Variants in FHIT observed in about 807,000 individuals in gnomAD.
The protein encoded by FHIT is fragile histidine triad diadenosine triphosphatase.
In FHIT, 19 loss-of-function variants were observed where a neutral mutation model predicts 17.9. The observed-to-expected ratio is 1.06, with a 90% CI of 0.74 to 1.56. The LOEUF (loss-of-function observed/expected upper bound fraction) is 1.56. FHIT is among the 40% of genes most tolerant of loss of function. The probability of loss-of-function intolerance (pLI) is 0.00; values close to 1 mark genes in which losing one functional copy is unlikely to be tolerated. For missense variants in FHIT, 248 were observed against 189.2 expected (o/e 1.31, Z -1.82); for synonymous variants, 81 against 69.7 (o/e 1.16, Z -0.81).
At chr3:59,927,550 G>A (rs936283655) in intron 7 of FHIT, among the ~76,000 whole-genome samples, 18 of 150,970 alleles carry the variant, frequency 1.2e-4, no homozygotes, top group Non-Finnish European at 2.7e-4. Context: ...GGCGGATCAC[G>A]AGGTCAGGAG....
chr3:60,052,589 G>C (rs1311739713), intron 5 of FHIT, among the ~76,000 whole-genome samples: 1 of 152,018 alleles, frequency 6.6e-6, no homozygotes, highest in African/African-American at 2.4e-5. Context: ...ACTGGCTAGA[G>C]TGCTCCTGCC....
chr3:60,320,788 A>ATATGTTCCTCC (rs1559817066), intron 5 of FHIT, among the ~76,000 whole-genome samples: 2 of 152,208 alleles, frequency 1.3e-5, no homozygotes, highest in African/African-American at 4.8e-5. Context: ...GGGAGATATA[A>ATATGTTCCTCC]ATTTGAAATG....
intron 3 of FHIT, among the ~76,000 whole-genome samples, chr3:60,975,398 A>T (rs779752033): frequency 6.6e-6 from 1 of 152,212 alleles, no homozygotes; most frequent in Non-Finnish European, 1.5e-5. Context: ...TTCTCCTCTG[A>T]AAATATGCCC....
At chr3:60,128,149 A>G (rs374071413) in intron 5 of FHIT, among the ~76,000 whole-genome samples, 2 of 152,370 alleles carry the variant, frequency 1.3e-5, no homozygotes, top group East Asian at 1.9e-4. Flanking sequence ...TTTTACTTCA[A>G]TAAGTGAATT....
intron 4 of FHIT, among the ~76,000 whole-genome samples, chr3:60,679,240 G>A (rs1045270242): frequency 3.3e-5 from 5 of 152,124 alleles, no homozygotes; most frequent in African/African-American, 1.2e-4. Flanking sequence ...AAAGGGATAA[G>A]AATCCGTCCA....
intron 5 of FHIT, among the ~76,000 whole-genome samples, chr3:60,170,826 G>C (rs1304428353): frequency 6.6e-6 from 1 of 151,996 alleles, no homozygotes; most frequent in Non-Finnish European, 1.5e-5. Flanking sequence ...TAATTTAATA[G>C]ATAAACCTAT....
intron 4 of FHIT, among the ~76,000 whole-genome samples, chr3:60,819,038 C>CTTTTTTTTT (rs1282544271): frequency 9.8e-6 from 1 of 102,184 alleles, no homozygotes; most frequent in African/African-American, 3.2e-5. Flanking sequence ...TTTTTCTTTT[C>CTTTTTTTTT]TTTTTTTTTT....
At chr3:60,445,716 TTC>T (rs2031285590) in intron 5 of FHIT, among the ~76,000 whole-genome samples, 1 of 152,084 alleles carries the variant, frequency 6.6e-6, no homozygotes, top group African/African-American at 2.4e-5. Context: ...ACACACGATT[TTC>T]TTTCTTTGTA....
chr3:60,506,696 C>T (rs897919233), intron 5 of FHIT, among the ~76,000 whole-genome samples: 9 of 152,046 alleles, frequency 5.9e-5, no homozygotes, highest in Non-Finnish European at 1.0e-4. Context: ...AACCTCCTGC[C>T]CTCTACCATA....
At chr3:60,963,386 G>A (rs1553781841) in intron 3 of FHIT, among the ~76,000 whole-genome samples, 1 of 152,108 alleles carries the variant, frequency 6.6e-6, no homozygotes, top group Non-Finnish European at 1.5e-5. Context: ...ACCAGCTCCT[G>A]GATTCACTGA....
intron 2 of FHIT, among the ~76,000 whole-genome samples, chr3:61,191,661 C>T (rs2038719910): frequency 6.6e-6 from 1 of 151,982 alleles, no homozygotes; most frequent in South Asian, 2.1e-4. Context: ...GAGATAAAAC[C>T]CGATTAGTTT....
At chr3:59,769,227 C>T (rs780170243) in intron 8 of FHIT, among the ~76,000 whole-genome samples, 30 of 152,260 alleles carry the variant, frequency 2.0e-4, no homozygotes, top group African/African-American at 2.6e-4. Context: ...TCTTTTGAGG[C>T]GGAAACTTGA....
At chr3:60,792,243 T>C (rs1553728725) in intron 4 of FHIT, among the ~76,000 whole-genome samples, 1 of 152,224 alleles carries the variant, frequency 6.6e-6, no homozygotes, top group African/African-American at 2.4e-5. Flanking sequence ...CACTCCGCTA[T>C]TGATGACAGG....
At chr3:60,588,634 C>T (rs782357092) in intron 4 of FHIT, among the ~76,000 whole-genome samples, 2 of 151,974 alleles carry the variant, frequency 1.3e-5, no homozygotes, top group South Asian at 2.1e-4. Context: ...ACACTCCTCT[C>T]GTGACTATAA....
intron 8 of FHIT, among the ~76,000 whole-genome samples, chr3:59,759,447 C>A (rs1701390018): frequency 6.6e-6 from 1 of 152,130 alleles, no homozygotes; most frequent in African/African-American, 2.4e-5. Context: ...AGTGAGAGGA[C>A]TTGGCCCCTC....
At chr3:61,097,125 A>G (rs1198363243) in intron 2 of FHIT, among the ~76,000 whole-genome samples, 1 of 151,626 alleles carries the variant, frequency 6.6e-6, no homozygotes, top group African/African-American at 2.4e-5. Context: ...AAGATGGCCG[A>G]ATAGGAACAG....
At chr3:60,841,072 A>G (rs1702711730) in intron 3 of FHIT, among the ~76,000 whole-genome samples, 1 of 152,108 alleles carries the variant, frequency 6.6e-6, no homozygotes, top group Non-Finnish European at 1.5e-5. Flanking sequence ...TCGGGTCATT[A>G]TTTTATCTGG....
At chr3:60,518,537 C>G (rs1236359726) in intron 5 of FHIT, among the ~76,000 whole-genome samples, 1 of 152,164 alleles carries the variant, frequency 6.6e-6, no homozygotes, top group Admixed American at 6.5e-5. Context: ...GAATGTTCAT[C>G]CATTTAAACA....
intron 7 of FHIT, among the ~76,000 whole-genome samples, chr3:60,003,879 G>A: frequency 1.4e-5 from 2 of 143,278 alleles, no homozygotes; most frequent in African/African-American, 2.6e-5. Context: ...TTTTTTAACA[G>A]AATTGACAGT....
Sources: gnomAD v4.1 joint callset for allele counts (sites outside exome capture counted in the v4.1 genomes callset) on GRCh38, gnomAD v4.1.1 for gene constraint, MANE v1.5 for transcripts, NCBI Gene and HGNC (gene_info 2026-07-23, HGNC 2026-07-21) for gene names.